Variants in MAN1A2 observed in about 807,000 individuals in gnomAD.
The protein encoded by MAN1A2 is mannosidase alpha class 1A member 2.
In MAN1A2, 26 loss-of-function variants were observed where a neutral mutation model predicts 75.7. That is an observed-to-expected ratio of 0.34 (90% CI 0.25 to 0.48). MAN1A2 has a LOEUF of 0.48. Ranked by LOEUF, MAN1A2 falls within the 20% of genes least tolerant of loss-of-function variation. The pLI, the probability that MAN1A2 is intolerant of heterozygous loss-of-function variation, is 0.99. For missense variants in MAN1A2, 562 were observed against 775.5 expected (o/e 0.72, Z 3.27); for synonymous variants, 247 against 264.6 (o/e 0.93, Z 0.65).
chr1:117,431,074 C>T (rs1345694132), intron 5 of MAN1A2, among the ~76,000 whole-genome samples: 1 of 140,398 alleles, frequency 7.1e-6, no homozygotes, highest in Non-Finnish European at 1.6e-5. Context: ...CAGCGCGTGC[C>T]TGCAATCGCA....
At chr1:117,389,755 A>G (rs1272078164) in intron 1 of MAN1A2, among the ~76,000 whole-genome samples, 3 of 150,410 alleles carry the variant, frequency 2.0e-5, no homozygotes, top group Non-Finnish European at 4.4e-5. Flanking sequence ...TAGAACCTGT[A>G]ATAGATTTTT....
rs150062544 is a variant in MAN1A2 at position 117,486,728 on chromosome 1, C to T, written c.1169-6419C>T. On this transcript the variant is annotated intron_variant, in intron 8 of 12. Coordinates refer to ENST00000356554, the MANE Select transcript of MAN1A2 (RefSeq NM_006699.5). ...GAGAGAAAATAATAGAAACTCAGTC[C>T]AGGAGGTTCAATTTCCAATTAATGA... Among the ~76,000 whole-genome samples the T allele has an allele frequency of 2.1e-3, 316 of 151,778 alleles. 3 individuals are homozygous for T. Among genetic ancestry groups the T allele is most frequent in the Non-Finnish European group, 3.7e-3 (250 of 67,854 alleles).
intron 6 of MAN1A2, among the ~76,000 whole-genome samples, chr1:117,455,748 G>C (rs1649561489): frequency 6.6e-6 from 1 of 151,736 alleles, no homozygotes; most frequent in East Asian, 1.9e-4. Flanking sequence ...GATTGCTTTG[G>C]TACTGAGAGT....
intron 1 of MAN1A2, among the ~76,000 whole-genome samples, chr1:117,401,610 C>A (rs542926897): frequency 1.3e-5 from 2 of 152,124 alleles, no homozygotes; most frequent in Non-Finnish European, 2.9e-5. Flanking sequence ...CTTCATGATA[C>A]AGATTCATGG....
intron 8 of MAN1A2, among the ~76,000 whole-genome samples, chr1:117,486,862 C>T (rs993599918): frequency 6.6e-6 from 1 of 151,846 alleles, no homozygotes; most frequent in African/African-American, 2.4e-5. Flanking sequence ...TTGTACCTAG[C>T]ACATTGTACC....
At chr1:117,453,707 G>A (rs957833951) in intron 6 of MAN1A2, among the ~76,000 whole-genome samples, 11 of 152,176 alleles carry the variant, frequency 7.2e-5, no homozygotes, top group Admixed American at 2.6e-4. Context: ...AGAATACTAC[G>A]TAAACTTAGT....
intron 1 of MAN1A2, among the ~76,000 whole-genome samples, chr1:117,396,957 G>A (rs1245484302): frequency 6.8e-6 from 1 of 147,440 alleles, no homozygotes; most frequent in Non-Finnish European, 1.5e-5. Flanking sequence ...TTTAGTGATT[G>A]TTCCAGGTTG....
At chr1:117,482,658 A>G (rs528869200) in intron 8 of MAN1A2, among the ~76,000 whole-genome samples, 5 of 152,144 alleles carry the variant, frequency 3.3e-5, no homozygotes, top group Admixed American at 1.3e-4. Context: ...TCAGATGGGT[A>G]GATTGCAAAA....
At chr1:117,472,188 C>T (rs752451933) in intron 8 of MAN1A2, among the ~76,000 whole-genome samples, 5 of 151,812 alleles carry the variant, frequency 3.3e-5, no homozygotes, top group African/African-American at 4.8e-5. Context: ...GAATACCTTC[C>T]GCCTTCTCTA....
chr1:117,395,042 T>C (rs1031742801), intron 1 of MAN1A2, among the ~76,000 whole-genome samples: 1 of 152,192 alleles, frequency 6.6e-6, no homozygotes, highest in Non-Finnish European at 1.5e-5. Flanking sequence ...CCAAACATGA[T>C]TCAAGAGCCA....
chr1:117,478,739 T>G (rs1650398245), intron 8 of MAN1A2, among the ~76,000 whole-genome samples: 1 of 151,996 alleles, frequency 6.6e-6, no homozygotes, highest in African/African-American at 2.4e-5. Context: ...GTATGTTTAT[T>G]TTTAGACTCT....
intron 8 of MAN1A2, among the ~76,000 whole-genome samples, chr1:117,484,500 T>C (rs1438857671): frequency 6.6e-6 from 1 of 151,934 alleles, no homozygotes; most frequent in Non-Finnish European, 1.5e-5. Context: ...CAATGAAAAA[T>C]ATGCAAGAAC....
At position 117,368,139 on chromosome 1, in the gene MAN1A2, A is replaced by C. The variant is rs766292071; in HGVS notation, c.-45A>C. 3 of 1,525,794 alleles carry C rather than the reference A, an allele frequency of 2.0e-6. No homozygotes were observed. In the South Asian group the frequency reaches 3.8e-5, roughly 19 times the overall value. The allele number at this position is 1,525,794 out of a possible 1,614,324, so 94.5% of individuals were successfully genotyped here. A position where few individuals can be genotyped will look rare whatever the true frequency, so the allele number is the denominator to read the frequency against. The stretch of plus-strand genomic sequence containing the variant: ...CAGTTCAATGTATTCTACATTTGAC[A>C]TAAGATGAGAACTTTCTAAAGTATT... On this transcript the variant is annotated 5_prime_UTR_variant, in exon 1 of 13. Coordinates refer to ENST00000356554, the MANE Select transcript of MAN1A2 (RefSeq NM_006699.5).
chr1:117,422,126 A>G (rs1461940721), intron 5 of MAN1A2, among the ~76,000 whole-genome samples: 2 of 152,148 alleles, frequency 1.3e-5, no homozygotes, highest in Admixed American at 6.5e-5. Context: ...TACAGTGCAT[A>G]GTATTGTAAT....
chr1:117,379,962 A>G (rs1653276622), intron 1 of MAN1A2, among the ~76,000 whole-genome samples: 1 of 152,052 alleles, frequency 6.6e-6, no homozygotes, highest in African/African-American at 2.4e-5. Flanking sequence ...GTGCGCCTAT[A>G]TTCGTTTTGA....
rs1269494844 is a variant in MAN1A2 at position 117,525,221 on chromosome 1, G to C, written c.*2264G>C. The stretch of plus-strand genomic sequence containing the variant: ...CAGTTCTGGTACAAACAAAGAATTT[G>C]ACAGGGACAATGGAAGGGTCTTCTT... On this transcript the variant is annotated 3_prime_UTR_variant, in exon 13 of 13. Coordinates refer to ENST00000356554, the MANE Select transcript of MAN1A2 (RefSeq NM_006699.5). 1 of 476,188 alleles carries C rather than the reference G, an allele frequency of 2.1e-6. No homozygotes were observed. Among genetic ancestry groups the C allele is most frequent in the Non-Finnish European group, 4.4e-6 (1 of 229,302 alleles). The allele number at this position is 476,188 out of a possible 1,614,324, so 29.5% of individuals were successfully genotyped here. A position where few individuals can be genotyped will look rare whatever the true frequency, so the allele number is the denominator to read the frequency against.
At chr1:117,457,729 G>C (rs958089438) in intron 6 of MAN1A2, among the ~76,000 whole-genome samples, 8 of 152,142 alleles carry the variant, frequency 5.3e-5, no homozygotes, top group African/African-American at 1.7e-4. Context: ...TTTCTAAATG[G>C]TATGCTTTAT....
chr1:117,421,234 G>A (rs1648177784), intron 5 of MAN1A2, among the ~76,000 whole-genome samples: 1 of 152,014 alleles, frequency 6.6e-6, no homozygotes, highest in African/African-American at 2.4e-5. Context: ...GAAACTAAAG[G>A]AAGAGGTTAT....
chr1:117,481,871 C>G (rs1032232735), intron 8 of MAN1A2, among the ~76,000 whole-genome samples: 5 of 151,960 alleles, frequency 3.3e-5, no homozygotes, highest in Non-Finnish European at 5.9e-5. Flanking sequence ...AAATTTGTTT[C>G]ATGTTCTTTA....
Sources: allele counts gnomAD v4.1 joint callset (sites outside exome capture counted in the v4.1 genomes callset), GRCh38; gene constraint gnomAD v4.1.1; transcripts MANE v1.5; gene names NCBI Gene and HGNC (gene_info 2026-07-23, HGNC 2026-07-21).